DAB1: variants seen among roughly 807,000 people sequenced by gnomAD.
DAB1 encodes the protein disabled homolog 1.
DAB1 carries 15 observed loss-of-function variants against 64.6 expected under a neutral mutation model. That is an observed-to-expected ratio of 0.23 (90% CI 0.16 to 0.36). The LOEUF (loss-of-function observed/expected upper bound fraction) is 0.36. DAB1 is among the 10% of genes least tolerant of loss of function. The pLI is 1.00. For missense variants in DAB1, 596 were observed against 706.7 expected (o/e 0.84, Z 1.78); for synonymous variants, 235 against 251.9 (o/e 0.93, Z 0.64).
At chr1:58,463,931 T>C (rs1322608478) in intron 3 of DAB1, among the ~76,000 whole-genome samples, 2 of 152,144 alleles carry the variant, frequency 1.3e-5, no homozygotes, top group Non-Finnish European at 2.9e-5. Flanking sequence ...GCCCCAAAGC[T>C]AGGAAGAGAT....
chr1:57,359,730 T>C (rs1017406849), intron 1 of DAB1, among the ~76,000 whole-genome samples: 2 of 152,038 alleles, frequency 1.3e-5, no homozygotes, highest in Admixed American at 6.6e-5. Context: ...ATGTGGTATA[T>C]ACACAATGTA....
chr1:57,220,080 G>T (rs1666741070), intron 2 of DAB1, among the ~76,000 whole-genome samples: 2 of 152,174 alleles, frequency 1.3e-5, no homozygotes, highest in African/African-American at 4.8e-5. Context: ...AAGAATAAAT[G>T]CTCCAGGGTG....
At chr1:57,011,364 G>A (rs1453760831) in intron 12 of DAB1, 92 bp from the exon 13 acceptor site, 19 of 1,438,406 alleles carry the variant, frequency 1.3e-5, no homozygotes, top group African/African-American at 1.4e-5. Flanking sequence ...TTATATTGAA[G>A]TCAAATCTTA....
chr1:58,081,487 A>C (rs1425504799), intron 5 of DAB1, among the ~76,000 whole-genome samples: 2 of 152,224 alleles, frequency 1.3e-5, no homozygotes, highest in Admixed American at 1.3e-4. Flanking sequence ...TTGTGGAGGA[A>C]ACAGAGAAAC....
chr1:57,150,659 G>C (rs943515509), intron 2 of DAB1, among the ~76,000 whole-genome samples: 4 of 152,188 alleles, frequency 2.6e-5, no homozygotes, highest in African/African-American at 9.7e-5. Context: ...TTGGTAGGGA[G>C]ATGATTAGGA....
chr1:58,097,246 A>C (rs1194027795), intron 5 of DAB1, among the ~76,000 whole-genome samples: 1 of 152,182 alleles, frequency 6.6e-6, no homozygotes, highest in African/African-American at 2.4e-5. Flanking sequence ...ACAGAGACTG[A>C]GTCATATGCC....
At chr1:58,531,170 A>C (rs1646429015) in intron 1 of DAB1, among the ~76,000 whole-genome samples, 1 of 152,206 alleles carries the variant, frequency 6.6e-6, no homozygotes, top group Non-Finnish European at 1.5e-5. Flanking sequence ...TAAAAAATCA[A>C]GTAAATGTTT....
chr1:58,304,787 C>A (rs1322076067), intron 4 of DAB1, among the ~76,000 whole-genome samples: 1 of 152,022 alleles, frequency 6.6e-6, no homozygotes, highest in Non-Finnish European at 1.5e-5. Flanking sequence ...TCACTGTTCC[C>A]TGGGGGATTC....
At chr1:58,286,574 A>G (rs780985435) in intron 4 of DAB1, among the ~76,000 whole-genome samples, 1 of 152,226 alleles carries the variant, frequency 6.6e-6, no homozygotes, top group Non-Finnish European at 1.5e-5. Context: ...AAAAAGATCA[A>G]CATCACTGAC....
chr1:58,121,184 AGGTTAT>A (rs1407532916), intron 5 of DAB1, among the ~76,000 whole-genome samples: 11 of 152,174 alleles, frequency 7.2e-5, no homozygotes, highest in African/African-American at 2.7e-4. Flanking sequence ...GTTCTTTTTC[AGGTTAT>A]GATCATCAAG....
chr1:58,458,864 A>G (rs1342377721), intron 3 of DAB1, among the ~76,000 whole-genome samples: 2 of 152,194 alleles, frequency 1.3e-5, no homozygotes, highest in Non-Finnish European at 2.9e-5. Flanking sequence ...CTACTTACCA[A>G]AGTCTAAATA....
chr1:58,189,845 T>C (rs1450667300), intron 4 of DAB1, among the ~76,000 whole-genome samples: 2 of 152,242 alleles, frequency 1.3e-5, no homozygotes, highest in Non-Finnish European at 2.9e-5. Context: ...CTGACCATCC[T>C]GAGGCACAGG....
chr1:57,827,335 C>T (rs1652395269), intron 1 of DAB1, among the ~76,000 whole-genome samples: 1 of 152,162 alleles, frequency 6.6e-6, no homozygotes, highest in South Asian at 2.1e-4. Flanking sequence ...GTTAATAACA[C>T]ATGTTAGTAT....
chr1:57,521,156 T>A (rs533734387), intron 7 of DAB1, among the ~76,000 whole-genome samples: 1 of 152,292 alleles, frequency 6.6e-6, no homozygotes, highest in East Asian at 1.9e-4. Context: ...ACAAGCTTTC[T>A]CTGCTTCTCA....
intron 2 of DAB1, among the ~76,000 whole-genome samples, chr1:57,179,198 A>G (rs867281121): frequency 1.8e-4 from 27 of 152,164 alleles, no homozygotes; most frequent in South Asian, 2.1e-4. Flanking sequence ...TACACACCCT[A>G]TTTAATGATG....
At chr1:58,040,092 G>C (rs1004002919) in intron 5 of DAB1, among the ~76,000 whole-genome samples, 1 of 152,050 alleles carries the variant, frequency 6.6e-6, no homozygotes, top group Non-Finnish European at 1.5e-5. Flanking sequence ...AATTGATAGG[G>C]CACGATAGTA....
chr1:58,237,724 T>C (rs1660109051), intron 4 of DAB1, among the ~76,000 whole-genome samples: 1 of 152,198 alleles, frequency 6.6e-6, no homozygotes, highest in Non-Finnish European at 1.5e-5. Context: ...CTGTCTATTT[T>C]CATTCCTCTT....
intron 3 of DAB1, chr1:58,473,923 C>G (rs995889509): frequency 1.7e-6 from 2 of 1,191,676 alleles, no homozygotes; most frequent in African/African-American, 1.6e-5. Context: ...AGCGTTAACT[C>G]TGCAATCTGT....
At chr1:57,543,411 C>T (rs546831943) in intron 7 of DAB1, among the ~76,000 whole-genome samples, 3 of 152,198 alleles carry the variant, frequency 2.0e-5, no homozygotes, top group African/African-American at 2.4e-5. Flanking sequence ...CATGTCCATC[C>T]GACTCATTAG....
Sources: allele counts gnomAD v4.1 joint callset (sites outside exome capture counted in the v4.1 genomes callset), GRCh38; gene constraint gnomAD v4.1.1; transcripts MANE v1.5; gene names NCBI Gene and HGNC (gene_info 2026-07-23, HGNC 2026-07-21).